GSTCD: variants seen among roughly 807,000 people sequenced by gnomAD.
GSTCD encodes the protein glutathione S-transferase C-terminal domain-containing protein.
GSTCD carries 44 observed loss-of-function variants against 68.3 expected under a neutral mutation model. That is an observed-to-expected ratio of 0.64 (90% confidence interval 0.51 to 0.83). The LOEUF (loss-of-function observed/expected upper bound fraction) is 0.83. Among genes scored for constraint, GSTCD ranks in the 40% least tolerant of loss-of-function variants. The pLI is 0.00. For synonymous variants in GSTCD, 273 were observed against 255.2 expected (o/e 1.07, Z -0.67); for missense variants, 739 against 735.9 (o/e 1.00, Z -0.05).
intron 5 of GSTCD, among the ~76,000 whole-genome samples, chr4:105,791,237 C>CA (rs1735655117): frequency 6.6e-6 from 1 of 151,498 alleles, no homozygotes; most frequent in South Asian, 2.1e-4. Context: ...ACTAAAAATA[C>CA]AAAAAATTAG....
intron 5 of GSTCD, among the ~76,000 whole-genome samples, chr4:105,747,176 C>T (rs548290084): frequency 6.6e-6 from 1 of 152,382 alleles, no homozygotes; most frequent in Non-Finnish European, 1.5e-5. Flanking sequence ...GCTAAAAGTT[C>T]ACCAAACAAA....
chr4:105,731,448 T>G (rs967297096), intron 5 of GSTCD, among the ~76,000 whole-genome samples: 23 of 152,332 alleles, frequency 1.5e-4, no homozygotes, highest in Admixed American at 1.0e-3. Context: ...GTCCTTCACA[T>G]CCCTTGTAAG....
rs1032015967 is a variant in GSTCD, at chr4:105,823,021, A to C, written c.1308A>C (p.Thr436=). 3 of 1,613,804 alleles carry C rather than the reference A, an allele frequency of 1.9e-6. No homozygotes were observed. Among genetic ancestry groups the C allele is most frequent in the Non-Finnish European group, 2.5e-6 (3 of 1,179,824 alleles). ...QQLNNLVYVV[T]NQAKPGDRIV... Reference sequence around the variant, plus strand: ...TGAACAACCTTGTCTATGTGGTAACAAATCAGGCCAAACCTGGTGACAGAA... The same window carrying C: ...TGAACAACCTTGTCTATGTGGTAACCAATCAGGCCAAACCTGGTGACAGAA... Residue 436 remains threonine (T), a synonymous_variant, in exon 6 of 12, where the codon ACA becomes ACC. Transcript: ENST00000515279.
chr4:105,743,732 T>C (rs897707318), intron 5 of GSTCD, among the ~76,000 whole-genome samples: 18 of 149,020 alleles, frequency 1.2e-4, no homozygotes, highest in Admixed American at 4.0e-4. Context: ...GATCTTGGCT[T>C]ACTGCAAGCT....
In GSTCD at chr4:105,837,882, C is replaced by T; in HGVS notation, c.1688C>T (p.Ser563Leu). The T allele has an allele frequency of 9.1e-7, 1 of 1,097,460 alleles. No homozygotes were observed. The highest frequency in any genetic ancestry group is 2.0e-4 in the Middle Eastern group (1 of 4,930). 68.0% of individuals were successfully genotyped at this position (1,097,460 alleles called of 1,614,324 possible). A position where few individuals can be genotyped will look rare whatever the true frequency, so the allele number is the denominator to read the frequency against. Reference sequence around the variant, plus strand: ...AGTGAACAATTCAAGAAAACTTTATCATACAAGGTAACCTTAAAAAGATCT... The same window carrying T: ...AGTGAACAATTCAAGAAAACTTTATTATACAAGGTAACCTTAAAAAGATCT... Reference protein sequence around the residue: ...PKSEQFKKTLSYKEHMILCRF... With the variant: ...PKSEQFKKTLLYKEHMILCRF... Residue 563 changes from serine to leucine, a missense_variant, in exon 10 of 12, where the codon TCA becomes TTA. By Grantham distance (145) the Ser-to-Leu change is moderately radical. Transcript: ENST00000515279.
chr4:105,778,018 A>G (rs575216508), intron 5 of GSTCD, among the ~76,000 whole-genome samples: 1 of 152,252 alleles, frequency 6.6e-6, no homozygotes, highest in South Asian at 2.1e-4. Context: ...CAGAAGAGGG[A>G]ATGATTAGTT....
chr4:105,770,980 T>G (rs1462083880), intron 5 of GSTCD, among the ~76,000 whole-genome samples: 1 of 152,210 alleles, frequency 6.6e-6, no homozygotes, highest in African/African-American at 2.4e-5. Context: ...TAATTTATAC[T>G]CCCATCAATA....
intron 5 of GSTCD, among the ~76,000 whole-genome samples, chr4:105,799,530 A>G (rs1310205144): frequency 6.6e-6 from 1 of 152,120 alleles, no homozygotes; most frequent in African/African-American, 2.4e-5. Context: ...GGAAATAGGG[A>G]TGCCCAAGGA....
chr4:105,793,970 T>A (rs1443728599), intron 5 of GSTCD, among the ~76,000 whole-genome samples: 1 of 152,076 alleles, frequency 6.6e-6, no homozygotes, highest in Non-Finnish European at 1.5e-5. Flanking sequence ...TGAGAACATA[T>A]GTTATATTCC....
intron 5 of GSTCD, chr4:105,820,971 C>G (rs1027861913): frequency 1.3e-5 from 2 of 151,726 alleles, no homozygotes; most frequent in Non-Finnish European, 3.0e-5. Flanking sequence ...TTCCTTTTAA[C>G]TTTCTTTTAT....
chr4:105,722,176 A>G (rs1008416702), intron 3 of GSTCD, among the ~76,000 whole-genome samples: 1 of 152,104 alleles, frequency 6.6e-6, no homozygotes, highest in African/African-American at 2.4e-5. Flanking sequence ...AAATACACAC[A>G]TACACACACA....
intron 5 of GSTCD, among the ~76,000 whole-genome samples, chr4:105,754,020 A>G (rs950125619): frequency 4.6e-5 from 7 of 152,024 alleles, no homozygotes; most frequent in Non-Finnish European, 8.8e-5. Context: ...CTAATGATGT[A>G]GATCCCTGTT....
rs1201399728 is a variant in GSTCD, at chr4:105,822,993, A to C, written c.1280A>C (p.Gln427Pro). ...GATCGAGCTTTGAGGAAGCAGCAACAGTTGAACAACCTTGTCTATGTGGTA... is the reference window on the plus strand; with the variant it reads ...GATCGAGCTTTGAGGAAGCAGCAACCGTTGAACAACCTTGTCTATGTGGTA... ...SSDRALRKQQ[Q>P]LNNLVYVVTN... is the part of the protein sequence containing the mutation. Residue 427 changes from glutamine (Q) to proline (P), a missense_variant, in exon 6 of 12, where the codon CAG (glutamine) becomes CCG (proline). Coordinates refer to ENST00000515279, the MANE Select transcript of GSTCD (RefSeq NM_001370181.1). The C allele has an allele frequency of 3.7e-6, 6 of 1,613,802 alleles. No homozygotes were observed. The highest frequency in any genetic ancestry group is 5.1e-6 in the Non-Finnish European group (6 of 1,179,754).
intron 5 of GSTCD, among the ~76,000 whole-genome samples, chr4:105,743,551 G>A (rs1003446119): frequency 6.7e-6 from 1 of 148,372 alleles, no homozygotes; most frequent in Non-Finnish European, 1.5e-5. Flanking sequence ...AGGATTTAAT[G>A]TACATTATTA....
chr4:105,735,714 T>G (rs1733438714), intron 5 of GSTCD, among the ~76,000 whole-genome samples: 3 of 152,130 alleles, frequency 2.0e-5, no homozygotes. Context: ...CCCAGTGAGA[T>G]GAACCCGGTA....
intron 5 of GSTCD, among the ~76,000 whole-genome samples, chr4:105,782,413 GC>G (rs1249043642): frequency 6.6e-6 from 1 of 152,066 alleles, no homozygotes; most frequent in Non-Finnish European, 1.5e-5. Context: ...GATCTGTTGA[GC>G]CCAAGAGGTT....
chr4:105,758,029 C>A (rs535589612), intron 5 of GSTCD, among the ~76,000 whole-genome samples: 1 of 152,244 alleles, frequency 6.6e-6, no homozygotes, highest in East Asian at 1.9e-4. Flanking sequence ...TCAAAGAATT[C>A]AGCTACTTCA....
At chr4:105,795,400 T>C (rs1735845342) in intron 5 of GSTCD, among the ~76,000 whole-genome samples, 1 of 152,088 alleles carries the variant, frequency 6.6e-6, no homozygotes, top group Admixed American at 6.5e-5. Flanking sequence ...GAAGTATTTT[T>C]TATTTTTAGG....
At chr4:105,788,847 G>A (rs1177493443) in intron 5 of GSTCD, among the ~76,000 whole-genome samples, 1 of 151,430 alleles carries the variant, frequency 6.6e-6, no homozygotes, top group Non-Finnish European at 1.5e-5. Context: ...TTTTTTTAAT[G>A]CAAAGACTGC....
Sources: allele counts gnomAD v4.1 joint callset (sites outside exome capture counted in the v4.1 genomes callset), GRCh38; gene constraint gnomAD v4.1.1; transcripts MANE v1.5; gene names NCBI Gene and HGNC (gene_info 2026-07-23, HGNC 2026-07-21).